The following SP100 variants were observed in gnomAD, a reference collection of about 807,000 sequenced individuals.
SP100 encodes the protein nuclear autoantigen Sp-100.
In SP100, 84 loss-of-function variants were observed where a neutral mutation model predicts 130.0. The ratio of observed to expected loss-of-function variants is 0.65; its 90% CI spans 0.54 to 0.77. SP100 has a LOEUF of 0.77. Among genes scored for constraint, SP100 ranks in the 30% least tolerant of loss-of-function variants. SP100 has a pLI of 0.00. For missense variants in SP100, 978 were observed against 1,052.2 expected, an observed-to-expected ratio of 0.93 and a Z score of 0.97; for synonymous variants, 331 against 351.7, an observed-to-expected ratio of 0.94 and a Z score of 0.66.
At chr2:230,518,956 G>A (rs1190328119) in intron 24 of SP100, among the ~76,000 whole-genome samples, 1 of 152,166 alleles carries the variant, frequency 6.6e-6, no homozygotes, top group Non-Finnish European at 1.5e-5. Context: ...TGTTACTACA[G>A]AGAGGTTTTA....
intron 1 of SP100, 79 bp from the exon 2 acceptor site, chr2:230,417,512 T>C: frequency 6.6e-7 from 1 of 1,517,494 alleles, no homozygotes; most frequent in Non-Finnish European, 8.8e-7. Flanking sequence ...ATATTTATCT[T>C]GTCTCTAAAC....
At chr2:230,530,797 G>A (rs184367162) in intron 24 of SP100, among the ~76,000 whole-genome samples, 18 of 152,322 alleles carry the variant, frequency 1.2e-4, no homozygotes, top group African/African-American at 2.2e-4. Context: ...AGACATTTAT[G>A]CAGCCAACAA....
At chr2:230,456,277 T>C (rs1446771956) in intron 8 of SP100, among the ~76,000 whole-genome samples, 1 of 152,214 alleles carries the variant, frequency 6.6e-6, no homozygotes, top group Non-Finnish European at 1.5e-5. Flanking sequence ...AAGTCCACTG[T>C]TGTCCTTATT....
At chr2:230,448,977 C>T (rs1400783622) in intron 5 of SP100, 111 bp from the exon 6 acceptor site, 1 of 759,968 alleles carries the variant, frequency 1.3e-6, no homozygotes, top group African/African-American at 1.7e-5. Context: ...TGCATTGAGA[C>T]CTAGAAGGGG....
chr2:230,485,335 G>T (rs2066024874), intron 17 of SP100, among the ~76,000 whole-genome samples: 2 of 151,966 alleles, frequency 1.3e-5, no homozygotes, highest in African/African-American at 4.8e-5. Context: ...ATTGTCATTT[G>T]CTAAATATCC....
chr2:230,514,854 A>G (rs905255569), intron 24 of SP100, among the ~76,000 whole-genome samples: 3 of 152,154 alleles, frequency 2.0e-5, no homozygotes, highest in African/African-American at 7.2e-5. Context: ...AAGTCCCCCA[A>G]ATACCTCAAG....
chr2:230,450,777 T>C (rs2063940688), intron 8 of SP100, among the ~76,000 whole-genome samples: 1 of 152,212 alleles, frequency 6.6e-6, no homozygotes, highest in Admixed American at 6.5e-5. Flanking sequence ...TCCAGGTTCA[T>C]GGTTGTTGTT....
intron 9 of SP100, among the ~76,000 whole-genome samples, chr2:230,462,025 A>C (rs2064679584): frequency 6.6e-6 from 1 of 152,062 alleles, no homozygotes; most frequent in African/African-American, 2.4e-5. Flanking sequence ...TTAAAAAAAA[A>C]ATCAGAGAGC....
intron 15 of SP100, chr2:230,470,469 A>T: frequency 1.0e-6 from 1 of 961,798 alleles, no homozygotes; most frequent in Non-Finnish European, 1.2e-6. Flanking sequence ...GCCTCAAAAG[A>T]CAACTGTTCC....
At chr2:230,480,066 C>T (rs1288046427) in intron 17 of SP100, among the ~76,000 whole-genome samples, 1 of 152,220 alleles carries the variant, frequency 6.6e-6, no homozygotes, top group Non-Finnish European at 1.5e-5. Flanking sequence ...CCATTCACCA[C>T]TCCCTGAAGT....
At chr2:230,515,793 C>A (rs80080084) in intron 24 of SP100, 8 of 1,463,096 alleles carry the variant, frequency 5.5e-6, no homozygotes, top group East Asian at 2.4e-5. Context: ...TAACCACTAC[C>A]GAATGTGTCT....
chr2:230,447,443 G>T (rs111679371), intron 5 of SP100, among the ~76,000 whole-genome samples: 2 of 152,148 alleles, frequency 1.3e-5, no homozygotes, highest in African/African-American at 4.8e-5. Flanking sequence ...CAGGTTAAGG[G>T]CTCATTCCCA....
Position 230,461,315 on chromosome 2 carries a change from C to A in SP100, c.874C>A (p.Arg292=), listed in dbSNP as rs762236298. 3.1e-6 allele frequency: 5 copies of A among 1,613,878 alleles called. No homozygotes were observed. The South Asian group carries it at 3.3e-5, about 11-fold the overall frequency. The change falls in exon 9 of 29, where the codon CGA becomes AGA. Residue 292 remains arginine, a synonymous_variant. Coordinates refer to ENST00000340126, the MANE Select transcript of SP100 (RefSeq NM_001080391.2). ...HGIQINSCSV[R]LVDIKKEKPF... ...AATCCAAATTAATTCCTGTTCTGTG[C>A]GACTGGTGGATATAAAAAAGGAAAA...
intron 15 of SP100, among the ~76,000 whole-genome samples, chr2:230,472,367 G>T (rs949378388): frequency 4.2e-5 from 6 of 143,294 alleles, no homozygotes; most frequent in African/African-American, 1.3e-4. Flanking sequence ...GGCAGGTCTT[G>T]CAGTGAACCA....
intron 24 of SP100, among the ~76,000 whole-genome samples, chr2:230,531,541 A>G (rs558759144): frequency 6.6e-6 from 1 of 152,276 alleles, no homozygotes; most frequent in Non-Finnish European, 1.5e-5. Flanking sequence ...AAGTATATTT[A>G]AAAAAAGAAA....
chr2:230,506,446 G>A lies in SP100; in HGVS notation c.2013+1G>A. The A allele has an allele frequency of 6.2e-7, 1 of 1,613,452 alleles. No individual in the cohort carries two copies. Among genetic ancestry groups the A allele is most frequent in the Non-Finnish European group, 8.5e-7 (1 of 1,179,524 alleles). On this transcript the variant is annotated splice_donor_variant, in intron 22 of 28. Transcript: ENST00000340126. LOFTEE classifies it high-confidence loss of function. The stretch of plus-strand genomic sequence containing the variant: ...ATATACCCTGAAAGTCCTGATGGAG[G>A]TATTCTAGTGACAGATGGCTGAAAC...
intron 8 of SP100, among the ~76,000 whole-genome samples, chr2:230,451,313 C>A (rs2149929531): frequency 6.6e-6 from 1 of 152,250 alleles, no homozygotes; most frequent in South Asian, 2.1e-4. Context: ...TATCTTTAGT[C>A]TTTTTGATAA....
chr2:230,465,142 C>A (rs2559088), intron 11 of SP100, among the ~76,000 whole-genome samples: 36,706 of 151,614 alleles, frequency 0.24, 5,047 homozygotes, highest in Middle Eastern at 0.33. Flanking sequence ...AGGCTGAGGC[C>A]AAAGAATCAC....
Position 230,544,530 on chromosome 2 carries a change from C to A in SP100, c.*1584C>A, listed in dbSNP as rs895542190. On this transcript the variant is annotated 3_prime_UTR_variant, in exon 29 of 29. Transcript: ENST00000340126. Reference sequence around the variant, plus strand: ...AAGATGGAGTTTCACTCTTGTTGCCCAGGCCAGAGTGCAATGGCGTGATCT... The same window carrying A: ...AAGATGGAGTTTCACTCTTGTTGCCAAGGCCAGAGTGCAATGGCGTGATCT... Among the ~76,000 whole-genome samples the A allele has an allele frequency of 6.6e-6, 1 of 151,996 alleles. No individual in the cohort carries two copies.
Sources: allele counts gnomAD v4.1 joint callset (sites outside exome capture counted in the v4.1 genomes callset), GRCh38; gene constraint gnomAD v4.1.1; transcripts MANE v1.5; gene names NCBI Gene and HGNC (gene_info 2026-07-23, HGNC 2026-07-21).